Variants in MYO5A observed in about 807,000 individuals in gnomAD.
MYO5A encodes the protein unconventional myosin-Va.
MYO5A carries 98 observed loss-of-function variants against 249.7 expected under a neutral mutation model. That is an observed-to-expected ratio of 0.39 (90% CI 0.33 to 0.46). The LOEUF (loss-of-function observed/expected upper bound fraction) is 0.46, where lower values mean the gene tolerates loss of function less well. Among genes scored for constraint, MYO5A ranks in the 20% least tolerant of loss-of-function variants. The pLI is 0.98. For synonymous variants in MYO5A, 778 were observed against 810.6 expected (o/e 0.96, Z 0.68); for missense variants, 1,696 against 2,308.8 (o/e 0.73, Z 5.44).
At chr15:52,387,987 C>CT (rs1480682934) in intron 13 of MYO5A, 75 bp from the exon 14 acceptor site, 10 of 1,073,512 alleles carry the variant, frequency 9.3e-6, no homozygotes, top group Admixed American at 7.2e-5. Context: ...TAATAAGAAT[C>CT]TTTATTAGTC....
At chr15:52,399,422 TA>T (rs2042644128) in intron 9 of MYO5A, among the ~76,000 whole-genome samples, 1 of 152,134 alleles carries the variant, frequency 6.6e-6, no homozygotes, top group African/African-American at 2.4e-5. Context: ...CTCAGTCTCC[TA>T]GGATTACAGG....
rs993852921 is a variant in MYO5A, at chr15:52,309,424, A to T, written c.*4272T>A. ...CAGCTGCCAACTCTGATAAAAAAGCACCCCTTGCTGGCCAGGGGCATTCCA... is the reference window on the plus strand; with the variant it reads ...CAGCTGCCAACTCTGATAAAAAAGCTCCCCTTGCTGGCCAGGGGCATTCCA... On this transcript the variant is annotated 3_prime_UTR_variant, in exon 42 of 42. Transcript: ENST00000399233. 2 of 151,942 alleles carry T rather than the reference A, an allele frequency of 1.3e-5. No individual in the cohort carries two copies. Among genetic ancestry groups the T allele is most frequent in the East Asian group, 3.9e-4 (2 of 5,186 alleles). The allele number at this position is 151,942 out of a possible 1,614,324, so 9.4% of individuals were successfully genotyped here. A position where few individuals can be genotyped will look rare whatever the true frequency, so the allele number is the denominator to read the frequency against.
At chr15:52,509,450 CA>C (rs989325420) in intron 1 of MYO5A, among the ~76,000 whole-genome samples, 1 of 151,882 alleles carries the variant, frequency 6.6e-6, no homozygotes, top group African/African-American at 2.4e-5. Flanking sequence ...AAAACAAAAA[CA>C]AAAAAACTCC....
intron 1 of MYO5A, among the ~76,000 whole-genome samples, chr15:52,498,034 A>G (rs553160247): frequency 6.6e-6 from 1 of 152,270 alleles, no homozygotes; most frequent in South Asian, 2.1e-4. Context: ...CATTCATTCC[A>G]AGAAGCTACA....
chr15:52,522,616 G>A (rs2077645918), intron 1 of MYO5A, among the ~76,000 whole-genome samples: 1 of 152,102 alleles, frequency 6.6e-6, no homozygotes, highest in South Asian at 2.1e-4. Context: ...CTATCCTCTA[G>A]TGGACCACGT....
rs147281589 is a variant in MYO5A at position 52,485,439 on chromosome 15, G to C, written c.27+43341C>G. On this transcript the variant is annotated intron_variant, in intron 1 of 41. Transcript: ENST00000399233. ...CCGTCACATGAGTTAAGTAGCCTAA[G>C]TCAGTTGATCTCTGCACGAGACCTC... Among the ~76,000 whole-genome samples the C allele has an allele frequency of 4.9e-3, 751 of 152,222 alleles. 8 individuals carry two copies. Among genetic ancestry groups the C allele is most frequent in the African/African-American group, 0.017 (726 of 41,526 alleles).
At chr15:52,432,987 C>A (rs1228449284) in intron 2 of MYO5A, among the ~76,000 whole-genome samples, 188 bp downstream of exon 2, 1 of 152,206 alleles carries the variant, frequency 6.6e-6, no homozygotes, top group African/African-American at 2.4e-5. Context: ...GCTATTTTCA[C>A]TAATCTATGC....
At chr15:52,478,217 C>T (rs376383277) in intron 1 of MYO5A, among the ~76,000 whole-genome samples, 4 of 152,176 alleles carry the variant, frequency 2.6e-5, no homozygotes, top group African/African-American at 7.2e-5. Context: ...GAGCCAGGCG[C>T]GGGATATAAT....
At chr15:52,511,619 T>C (rs931131169) in intron 1 of MYO5A, among the ~76,000 whole-genome samples, 1 of 152,162 alleles carries the variant, frequency 6.6e-6, no homozygotes, top group Non-Finnish European at 1.5e-5. Flanking sequence ...ATACAACTCA[T>C]CCTTATATGG....
intron 34 of MYO5A, among the ~76,000 whole-genome samples, chr15:52,334,990 G>C (rs1335883099): frequency 6.6e-6 from 1 of 152,184 alleles, no homozygotes; most frequent in Admixed American, 6.5e-5. Context: ...CAAACAGAAG[G>C]AGCAGTTATG....
At chr15:52,455,977 G>C (rs564209880) in intron 1 of MYO5A, among the ~76,000 whole-genome samples, 1 of 151,978 alleles carries the variant, frequency 6.6e-6, no homozygotes, top group African/African-American at 2.4e-5. Flanking sequence ...AATCAGATAA[G>C]AGAAAGAAAA....
chr15:52,355,956 C>T (rs548601590), intron 25 of MYO5A, among the ~76,000 whole-genome samples: 1 of 152,142 alleles, frequency 6.6e-6, no homozygotes, highest in Admixed American at 6.5e-5. Context: ...ATGAGACCTA[C>T]TAGGATAAAT....
At chr15:52,382,508 T>C (rs919485718) in intron 16 of MYO5A, among the ~76,000 whole-genome samples, 12 of 152,140 alleles carry the variant, frequency 7.9e-5, no homozygotes, top group Admixed American at 7.2e-4. Flanking sequence ...GAGGCAGAGG[T>C]TGCGGTAAGC....
At chr15:52,374,711 A>AT (rs1278715677) in intron 20 of MYO5A, among the ~76,000 whole-genome samples, 5 of 152,328 alleles carry the variant, frequency 3.3e-5, no homozygotes, top group Admixed American at 3.3e-4. Flanking sequence ...CAAGGAATGG[A>AT]TTCTCCCCTG....
chr15:52,355,046 C>A (rs1301065614), intron 25 of MYO5A, among the ~76,000 whole-genome samples: 1 of 152,154 alleles, frequency 6.6e-6, no homozygotes, highest in East Asian at 1.9e-4. Context: ...GTGGTTATCT[C>A]AGAAGACGGA....
At chr15:52,508,911 G>A (rs538520566) in intron 1 of MYO5A, among the ~76,000 whole-genome samples, 22 of 151,788 alleles carry the variant, frequency 1.4e-4, no homozygotes, top group African/African-American at 4.6e-4. Context: ...TATGTTATAC[G>A]TTATTTTCTC....
Position 52,359,986 on chromosome 15 carries a change from G to A in MYO5A, c.3405C>T (p.Asp1135=). ...IFSSEIAEME[D]IPSRTEEPSE... is the part of the protein sequence containing the mutation. ...ACTGTACCTCTGTCCTTGATGGAAT[G>A]TCTTCCATTTCTGCAATTTCAGAGC... is the stretch of plus-strand genomic sequence containing the variant. The change falls in exon 25 of 42, where the codon GAC becomes GAT. Residue 1135 remains aspartate, a synonymous_variant. Coordinates refer to ENST00000399233, the MANE Select transcript of MYO5A (RefSeq NM_001382347.1). The A allele has an allele frequency of 6.2e-7, 1 of 1,609,768 alleles. No individual in the cohort carries two copies. The highest frequency in any genetic ancestry group is 8.5e-7 in the Non-Finnish European group (1 of 1,176,370).
Position 52,376,330 on chromosome 15 carries a change from G to A in MYO5A, c.2420+17C>T. On this transcript the variant is annotated intron_variant, in intron 19 of 41. Coordinates refer to ENST00000399233, the MANE Select transcript of MYO5A (RefSeq NM_001382347.1). ...GTGAATTAGATGGGCACTCTACTCT[G>A]TCCCCAGGAGACCTACCATCGGGCC... The A allele has an allele frequency of 3.7e-6, 6 of 1,612,404 alleles. No homozygotes were observed. Among genetic ancestry groups the A allele is most frequent in the Non-Finnish European group, 5.1e-6 (6 of 1,179,226 alleles).
chr15:52,413,479 A>C (rs966783775), intron 5 of MYO5A, among the ~76,000 whole-genome samples: 1 of 152,214 alleles, frequency 6.6e-6, no homozygotes, highest in African/African-American at 2.4e-5. Context: ...AATAATGTGC[A>C]TATCTCTTTA....
Sources: gnomAD v4.1 joint callset for allele counts (sites outside exome capture counted in the v4.1 genomes callset) on GRCh38, gnomAD v4.1.1 for gene constraint, MANE v1.5 for transcripts, NCBI Gene and HGNC (gene_info 2026-07-23, HGNC 2026-07-21) for gene names.